The following RIN2 variants were observed in gnomAD, a reference collection of about 807,000 sequenced individuals.
RIN2 encodes the protein RAB5 interacting protein 2.
Under a neutral mutation model 78.0 loss-of-function variants are expected in RIN2, and 36 were observed. The ratio of observed to expected loss-of-function variants is 0.46; its 90% CI spans 0.35 to 0.61. The LOEUF (loss-of-function observed/expected upper bound fraction) is 0.61. Ranked by LOEUF, RIN2 falls within the 20% of genes least tolerant of loss-of-function variation. RIN2 has a pLI of 0.00. For missense variants in RIN2, 1,087 were observed against 1,159.7 expected, an observed-to-expected ratio of 0.94 and a Z score of 0.91; for synonymous variants, 466 against 466.8, an observed-to-expected ratio of 1.00 and a Z score of 0.02.
At chr20:19,981,025 C>T (rs1436632044) in intron 9 of RIN2, among the ~76,000 whole-genome samples, 2 of 152,198 alleles carry the variant, frequency 1.3e-5, no homozygotes, top group South Asian at 4.1e-4. Flanking sequence ...CTGGTAATCA[C>T]TCCTCGTGGG....
chr20:19,862,722 A>AT (rs1673415676), intron 2 of RIN2, among the ~76,000 whole-genome samples: 3 of 152,300 alleles, frequency 2.0e-5, no homozygotes, highest in Middle Eastern at 3.4e-3. Context: ...TCATTGAATA[A>AT]TTTTTTCTTT....
At chr20:19,775,458 T>G (rs989748354) in intron 1 of RIN2, among the ~76,000 whole-genome samples, 2 of 152,210 alleles carry the variant, frequency 1.3e-5, no homozygotes, top group African/African-American at 2.4e-5. Flanking sequence ...GGTGGAGGTA[T>G]GCCTACCCTT....
At chr20:19,835,598 G>A (rs186894519) in intron 2 of RIN2, among the ~76,000 whole-genome samples, 5 of 152,214 alleles carry the variant, frequency 3.3e-5, no homozygotes, top group African/African-American at 1.2e-4. Context: ...AAATAAATCA[G>A]TACCTGAAGG....
At chr20:19,766,978 C>T (rs1194188550) in intron 1 of RIN2, among the ~76,000 whole-genome samples, 2 of 150,774 alleles carry the variant, frequency 1.3e-5, no homozygotes, top group African/African-American at 2.4e-5. Context: ...AGGGAAGGAA[C>T]GTGGAGTTTG....
chr20:19,842,275 T>C (rs553818467), intron 2 of RIN2, among the ~76,000 whole-genome samples: 11 of 151,816 alleles, frequency 7.2e-5, no homozygotes, highest in African/African-American at 2.7e-4. Context: ...CAGGCTGGAG[T>C]GTAGTGGTGC....
At chr20:19,803,761 G>A (rs1346603901) in intron 2 of RIN2, among the ~76,000 whole-genome samples, 3 of 152,166 alleles carry the variant, frequency 2.0e-5, no homozygotes, top group Non-Finnish European at 2.9e-5. Context: ...AATGGGAATA[G>A]CATTGAATCT....
At chr20:19,787,875 C>T (rs1399501292) in intron 1 of RIN2, among the ~76,000 whole-genome samples, 4 of 152,038 alleles carry the variant, frequency 2.6e-5, no homozygotes, top group African/African-American at 9.7e-5. Flanking sequence ...CTACCCTATG[C>T]ATTACACAAG....
At chr20:19,889,749 C>G (rs2038358715) in intron 3 of RIN2, 91 bp downstream of exon 3, 4 of 1,050,794 alleles carry the variant, frequency 3.8e-6, no homozygotes, top group Admixed American at 6.2e-5. Context: ...TGAGGGAAGT[C>G]TGCTCTCTGA....
chr20:19,890,053 AAAAC>A (rs11474749), intron 3 of RIN2, among the ~76,000 whole-genome samples: 5,195 of 151,336 alleles, frequency 0.034, 266 homozygotes, highest in African/African-American at 0.11. Context: ...GAAGGGCTCC[AAAAC>A]AAACAAACAA....
chr20:19,928,202 C>G (rs188533201), intron 3 of RIN2, among the ~76,000 whole-genome samples: 3 of 152,232 alleles, frequency 2.0e-5, no homozygotes, highest in Non-Finnish European at 2.9e-5. Flanking sequence ...TGTGCCCGAC[C>G]TGTTGCAGTG....
At chr20:19,935,062 C>T (rs1287168119) in intron 3 of RIN2, 37 bp from the exon 4 acceptor site, 2 of 1,520,026 alleles carry the variant, frequency 1.3e-6, no homozygotes, top group Non-Finnish European at 1.8e-6. Flanking sequence ...CACGCCTCTC[C>T]ACTTCCTGAC....
chr20:19,941,436 G>C (rs764302173), intron 4 of RIN2, among the ~76,000 whole-genome samples: 3 of 152,190 alleles, frequency 2.0e-5, no homozygotes, highest in Non-Finnish European at 4.4e-5. Flanking sequence ...TTTTGAACCA[G>C]ATCCACCTTC....
At chr20:19,966,516 G>C (rs2041944118) in intron 7 of RIN2, among the ~76,000 whole-genome samples, 1 of 151,980 alleles carries the variant, frequency 6.6e-6, no homozygotes, top group Non-Finnish European at 1.5e-5. Context: ...TAGAGATGGG[G>C]TTTTACCACG....
At chr20:19,874,523 A>T (rs1336449975) in intron 2 of RIN2, among the ~76,000 whole-genome samples, 1 of 152,228 alleles carries the variant, frequency 6.6e-6, no homozygotes, top group East Asian at 1.9e-4. Flanking sequence ...ACACCCCGTC[A>T]TTATCTCATA....
At chr20:19,978,160 A>T (rs2042341100) in intron 9 of RIN2, among the ~76,000 whole-genome samples, 1 of 149,110 alleles carries the variant, frequency 6.7e-6, no homozygotes, top group Admixed American at 6.7e-5. Context: ...TGTCTGCTTT[A>T]AAAAAAAAAA....
At chr20:19,812,646 AG>A (rs144135480) in intron 2 of RIN2, among the ~76,000 whole-genome samples, 2,128 of 152,336 alleles carry the variant, frequency 0.014, 23 homozygotes, top group Non-Finnish European at 0.022. Context: ...AAGTTAAAAA[AG>A]CAATTCTAGC....
At chr20:19,760,077 A>G (rs1040235336) in intron 1 of RIN2, among the ~76,000 whole-genome samples, 1 of 152,248 alleles carries the variant, frequency 6.6e-6, no homozygotes, top group South Asian at 2.1e-4. Context: ...GGATATTGTC[A>G]TAAGTGGATA....
At chr20:19,788,774 C>T (rs1186599010) in intron 1 of RIN2, among the ~76,000 whole-genome samples, 1 of 151,848 alleles carries the variant, frequency 6.6e-6, no homozygotes, top group Non-Finnish European at 1.5e-5. Context: ...TTAAAGAAGA[C>T]CTAAATAGAT....
chr20:19,951,989 T>C (rs549070173), intron 4 of RIN2, among the ~76,000 whole-genome samples: 10 of 152,326 alleles, frequency 6.6e-5, no homozygotes, highest in Middle Eastern at 3.4e-3. Context: ...TTGAGTTCCC[T>C]GGAAGGAGAG....
Sources: gnomAD v4.1 joint callset for allele counts (sites outside exome capture counted in the v4.1 genomes callset) on GRCh38, gnomAD v4.1.1 for gene constraint, MANE v1.5 for transcripts, NCBI Gene and HGNC (gene_info 2026-07-23, HGNC 2026-07-21) for gene names.